Variants in MYH4 observed in about 807,000 individuals in gnomAD.
The protein encoded by MYH4 is myosin-4.
MYH4 carries 200 observed loss-of-function variants against 229.9 expected under a neutral mutation model. The ratio of observed to expected loss-of-function variants is 0.87; its 90% CI spans 0.78 to 0.98. The LOEUF (loss-of-function observed/expected upper bound fraction) is 0.98, where lower values mean the gene tolerates loss of function less well. Ranked by LOEUF, MYH4 falls within the 50% of genes least tolerant of loss-of-function variation. The probability of loss-of-function intolerance (pLI) is 0.00; values close to 1 mark genes in which losing one functional copy is unlikely to be tolerated. For synonymous variants in MYH4, 761 were observed against 834.6 expected (o/e 0.91, Z 1.52); for missense variants, 2,148 against 2,332.6 (o/e 0.92, Z 1.63).
In MYH4 at chr17:10,453,631, C is replaced by A. The variant is rs1221881344; in HGVS notation, c.2934+12G>T. On this transcript the variant is annotated intron_variant, in intron 23 of 39. Coordinates refer to ENST00000255381, the MANE Select transcript of MYH4 (RefSeq NM_017533.2). ...TGCTTATAAATATTCTAAAATGGAT[C>A]ATGATTTGTACCTTGTTCTCTGTGG... The A allele has an allele frequency of 2.5e-6, 4 of 1,614,052 alleles. No homozygotes were observed. In the Admixed American group the frequency reaches 6.7e-5, roughly 27 times the overall value.
chr17:10,460,823 G>A, intron 12 of MYH4, 93 bp downstream of exon 12: 2 of 1,371,866 alleles, frequency 1.5e-6, no homozygotes, highest in Non-Finnish European at 2.0e-6. Context: ...CCCTTCACGA[G>A]CTAGGTCAGA....
Position 10,454,634 on chromosome 17 carries a change from T to G in MYH4, c.2612A>C (p.Glu871Ala). The G allele has an allele frequency of 1.2e-6, 2 of 1,614,216 alleles. No homozygotes were observed. Among genetic ancestry groups the G allele is most frequent in the Non-Finnish European group, 1.7e-6 (2 of 1,180,036 alleles). Reference sequence around the variant, plus strand: ...TTCTTCTAGTTCTTTCCTTTTTGCCTCTGTCTTAGCCAGCTCTTCTTTGGT... The same window carrying G: ...TTCTTCTAGTTCTTTCCTTTTTGCCGCTGTCTTAGCCAGCTCTTCTTTGGT... ...EKTKEELAKT[E>A]AKRKELEEKM... Residue 871 changes from glutamate (E) to alanine (A), a missense_variant, in exon 22 of 40, where the codon GAG becomes GCG. By Grantham distance (107) the Glu-to-Ala change is moderately radical. Transcript: ENST00000255381.
intron 4 of MYH4, among the ~76,000 whole-genome samples, 172 bp from the exon 5 acceptor site, chr17:10,465,770 CTTTTTT>C (rs957442606): frequency 1.3e-4 from 13 of 97,992 alleles, no homozygotes; most frequent in South Asian, 3.9e-4. Flanking sequence ...TTCAGTTTTT[CTTTTTT>C]TTTTTTTTTT....
At chr17:10,457,765 C>T (rs1301938253) in intron 15 of MYH4, 36 bp from the exon 16 acceptor site, 3 of 1,587,142 alleles carry the variant, frequency 1.9e-6, no homozygotes, top group Non-Finnish European at 2.6e-6. Flanking sequence ...AATGATGAGT[C>T]CCTCAGAAAG....
At position 10,456,661 on chromosome 17, in the gene MYH4, C is replaced by T. The variant is rs555615309; in HGVS notation, c.1898-106G>A. The T allele has an allele frequency of 1.4e-4, 107 of 782,438 alleles. No individual in the cohort carries two copies. The South Asian group carries it at 1.7e-3, about 12-fold the overall frequency. The allele number at this position is 782,438 out of a possible 1,614,324, so 48.5% of individuals were successfully genotyped here. ...TCCCTTTAGAATTTAAATTTGCACT[C>T]ATTCACTTGCATCATTCCTATTCTT... On this transcript the variant is annotated intron_variant, in intron 16 of 39. Coordinates refer to ENST00000255381, the MANE Select transcript of MYH4 (RefSeq NM_017533.2).
chr17:10,450,322 C>T, intron 30 of MYH4, 131 bp downstream of exon 30: 1 of 1,435,498 alleles, frequency 7.0e-7, no homozygotes, highest in East Asian at 2.4e-5. Context: ...ATGGTGGAAT[C>T]CACCAACCTA....
At chr17:10,465,657 T>C (rs1241805916) in intron 4 of MYH4, 59 bp from the exon 5 acceptor site, 4 of 1,607,102 alleles carry the variant, frequency 2.5e-6, no homozygotes, top group Non-Finnish European at 3.4e-6. Flanking sequence ...ATCTTGGAAA[T>C]ACTGTTTAAG....
chr17:10,466,410 T>A lies in MYH4; in HGVS notation c.211A>T (p.Thr71Ser). The change falls in exon 4 of 40, where the codon ACT (threonine) becomes TCT (serine). Residue 71 changes from threonine to serine, a missense_variant. Thr to Ser is a moderately conservative substitution (Grantham distance 58). Coordinates refer to ENST00000255381, the MANE Select transcript of MYH4 (RefSeq NM_017533.2). Reference protein sequence around the residue: ...TAKTEAGATVTVKEDQVFSMN... With the variant: ...TAKTEAGATVSVKEDQVFSMN... ...GAGAAGACTTGGTCTTCTTTCACAG[T>A]TACAGTCTGTTAAGAAAAGAAAAAA... The A allele has an allele frequency of 6.2e-7, 1 of 1,613,992 alleles. No homozygotes were observed. Among genetic ancestry groups the A allele is most frequent in the Non-Finnish European group, 8.5e-7 (1 of 1,179,988 alleles).
chr17:10,461,568 A>G (rs373928016), intron 11 of MYH4, among the ~76,000 whole-genome samples: 1 of 152,280 alleles, frequency 6.6e-6, no homozygotes. Flanking sequence ...GGAGAACAGC[A>G]ATGGTTGTGA....
rs774152329 is a variant in MYH4 at position 10,454,956 on chromosome 17, T to C, written c.2420A>G (p.Lys807Arg). ...GGGCTCTCACCTCCTCTCCATCATC[T>C]TTCTGAACTCCACTCTCATCAGGAA... is the stretch of plus-strand genomic sequence containing the variant. ...RGFLMRVEFR[K>R]MMERRESIFC... Residue 807 changes from lysine to arginine, a missense_variant, in exon 21 of 40, where the codon AAG becomes AGG. Transcript: ENST00000255381. 2 of 1,614,216 alleles carry C rather than the reference T, an allele frequency of 1.2e-6. No individual in the cohort carries two copies. Among genetic ancestry groups the C allele is most frequent in the South Asian group, 1.1e-5 (1 of 91,084 alleles).
At position 10,459,231 on chromosome 17, in the gene MYH4, G is replaced by T. The variant is rs765362284; in HGVS notation, c.1587+20C>A. On this transcript the variant is annotated intron_variant, in intron 15 of 39. Transcript: ENST00000255381. ...GCAATTTGGTTTTCATGTTTTGAAA[G>T]CTAGAAAAGTCATATGAACCTTCTC... 4 of 1,613,990 alleles carry T rather than the reference G, an allele frequency of 2.5e-6. No individual in the cohort carries two copies. In the East Asian group the frequency reaches 8.9e-5, roughly 36 times the overall value.
rs2072562448 is a variant in MYH4 at position 10,450,643 on chromosome 17, T to C, written c.3991A>G (p.Ser1331Gly). The C allele has an allele frequency of 6.2e-7, 1 of 1,613,996 alleles. No individual in the cohort carries two copies. Among genetic ancestry groups the C allele is most frequent in the African/African-American group, 1.3e-5 (1 of 74,952 alleles). The change falls in exon 30 of 40, where the codon AGC becomes GGC. Residue 1331 changes from serine to glycine, a missense_variant. Physicochemically the swap from Ser to Gly is moderately conservative, Grantham distance 56. Coordinates refer to ENST00000255381, the MANE Select transcript of MYH4 (RefSeq NM_017533.2). ...RQLEEETKAKSTLAHALQSAR... is the reference protein window; with the variant it reads ...RQLEEETKAKGTLAHALQSAR... The stretch of plus-strand genomic sequence containing the variant: ...GACTGCAGGGCATGGGCCAGAGTGC[T>C]CTTGGCCTAGACCAACCAAAAACTA...
In MYH4 at chr17:10,464,555, T is replaced by C; in HGVS notation, c.565A>G (p.Thr189Ala). The change falls in exon 7 of 40, where the codon ACG becomes GCG. Residue 189 changes from threonine to alanine, a missense_variant. By Grantham distance (58) the Thr-to-Ala change is moderately conservative (BLOSUM62 0). Transcript: ENST00000255381. ...GESGAGKTVN[T>A]KRVIQYFATI... The stretch of plus-strand genomic sequence containing the variant: ...GCAAAGTACTGGATGACACGCTTCG[T>C]GTTCACAGTCTTCCCTGCACCAGAT... 6.2e-7 allele frequency: 1 copy of C among 1,614,062 alleles called. No homozygotes were observed. The highest frequency in any genetic ancestry group is 8.5e-7 in the Non-Finnish European group (1 of 1,179,968).
intron 33 of MYH4, 84 bp from the exon 34 acceptor site, chr17:10,448,210 A>T: frequency 3.6e-6 from 5 of 1,394,336 alleles, no homozygotes; most frequent in Non-Finnish European, 3.9e-6. Context: ...AGAAGGCATT[A>T]AAAAACCCAT....
At position 10,454,658 on chromosome 17, in the gene MYH4, G is replaced by A. The variant is rs766143426; in HGVS notation, c.2588C>T (p.Thr863Ile). Residue 863 changes from threonine (T) to isoleucine (I), a missense_variant, in exon 22 of 40, where the codon ACC becomes ATC. Transcript: ENST00000255381. ...MANMKEEFEK[T>I]KEELAKTEAK... Reference sequence around the variant, plus strand: ...CTCTGTCTTAGCCAGCTCTTCTTTGGTTTTCTCAAATTCTTCCTTCATGTT... The same window carrying A: ...CTCTGTCTTAGCCAGCTCTTCTTTGATTTTCTCAAATTCTTCCTTCATGTT... The A allele has an allele frequency of 1.9e-6, 3 of 1,614,066 alleles. No homozygotes were observed. Among genetic ancestry groups the A allele is most frequent in the Non-Finnish European group, 2.5e-6 (3 of 1,180,030 alleles).
rs145607023 is a variant in MYH4 at position 10,450,502 on chromosome 17, T to A, written c.4132A>T (p.Lys1378Ter). The A allele has an allele frequency of 7.4e-5, 119 of 1,614,094 alleles. No individual in the cohort carries two copies. In the African/African-American group the frequency reaches 1.5e-3, roughly 20 times the overall value. ...CGCTGGATGGCGTCCGTCTCGTACTTGGTCCTCCACTGGGCAACCTCACTG... is the reference window on the plus strand; with the variant it reads ...CGCTGGATGGCGTCCGTCTCGTACTAGGTCCTCCACTGGGCAACCTCACTG... ...ANSEVAQWRTKYETDAIQRTE... is the reference protein window; with the variant it reads ...ANSEVAQWRT The change falls in exon 30 of 40, where the codon AAG becomes TAG. Residue 1378 changes from lysine to a stop codon, truncating the protein, a stop_gained. Transcript: ENST00000255381. LOFTEE classifies it high-confidence loss of function.
At chr17:10,456,843 G>C (rs1183676766) in intron 16 of MYH4, among the ~76,000 whole-genome samples, 1 of 152,236 alleles carries the variant, frequency 6.6e-6, no homozygotes, top group Non-Finnish European at 1.5e-5. Flanking sequence ...AGCAATGTCT[G>C]TTCTCTGAAG....
chr17:10,465,774 T>TTC (rs2072758200), intron 4 of MYH4, among the ~76,000 whole-genome samples, 176 bp from the exon 5 acceptor site: 2 of 136,814 alleles, frequency 1.5e-5, no homozygotes, highest in Non-Finnish European at 3.1e-5. Flanking sequence ...GTTTTTCTTT[T>TTC]TTTTTTTTTT....
In MYH4 at chr17:10,443,341, T is replaced by A. The variant is rs777156078; in HGVS notation, c.*34A>T. 2.7e-5 allele frequency: 43 copies of A among 1,606,890 alleles called. No individual in the cohort carries two copies. The highest frequency in any genetic ancestry group is 3.7e-5 in the Non-Finnish European group (43 of 1,174,990). ...GACAAAGAACTTCACATTTCGTGCA[T>A]TTCTTTGGTCACATTTTCTTTCATT... On this transcript the variant is annotated 3_prime_UTR_variant, in exon 40 of 40. Transcript: ENST00000255381. The surrounding 1 kb of genome is among the most constrained non-coding windows in gnomAD (Gnocchi z 4.6).
Sources: gnomAD v4.1 joint callset for allele counts (sites outside exome capture counted in the v4.1 genomes callset) on GRCh38, gnomAD v4.1.1 for gene constraint, Gnocchi (gnomAD v3.1) non-coding constraint, MANE v1.5 for transcripts, NCBI Gene and HGNC (gene_info 2026-07-23, HGNC 2026-07-21) for gene names.